The following NCKAP5 variants were observed in gnomAD, a reference collection of about 807,000 sequenced individuals.
NCKAP5 encodes NCK associated protein 5.
In NCKAP5, 92 loss-of-function variants were observed where a neutral mutation model predicts 167.0. The ratio of observed to expected loss-of-function variants is 0.55; its 90% CI spans 0.47 to 0.66. NCKAP5 has a LOEUF of 0.66. Among genes scored for constraint, NCKAP5 ranks in the 30% least tolerant of loss-of-function variants. The pLI is 0.00. For missense variants in NCKAP5, 2,378 were observed against 2,315.0 expected, an observed-to-expected ratio of 1.03 and a Z score of -0.56; for synonymous variants, 891 against 877.4, an observed-to-expected ratio of 1.02 and a Z score of -0.27.
At chr2:133,211,988 G>C (rs550048691) in intron 5 of NCKAP5, among the ~76,000 whole-genome samples, 1 of 152,282 alleles carries the variant, frequency 6.6e-6, no homozygotes, top group African/African-American at 2.4e-5. Context: ...ATTCTTTCAA[G>C]GCCTGTTCTT....
chr2:132,965,876 C>T (rs1019408171), intron 7 of NCKAP5, among the ~76,000 whole-genome samples: 1 of 151,330 alleles, frequency 6.6e-6, no homozygotes, highest in African/African-American at 2.5e-5. Context: ...AGACCACCAT[C>T]ACACATCTTT....
intron 6 of NCKAP5, among the ~76,000 whole-genome samples, chr2:133,032,598 C>T (rs2078914728): frequency 6.6e-6 from 1 of 152,100 alleles, no homozygotes; most frequent in Non-Finnish European, 1.5e-5. Context: ...ATTGTAGAGC[C>T]CCAAGGGCTT....
chr2:133,178,504 C>CAAAAAAAAA lies in NCKAP5; in HGVS notation c.207+35203_207+35211dup, dbSNP rs869253241. On this transcript the variant is annotated intron_variant, in intron 5 of 19. Coordinates refer to ENST00000409261, the MANE Select transcript of NCKAP5 (RefSeq NM_207363.3). ...TGGGTGACACAATGAGACCCTGTCT[C>CAAAAAAAAA]AAAAAAAAAAAAAAAAAAAAAAAAA... Among the ~76,000 whole-genome samples, 6 of 23,952 alleles carry CAAAAAAAAA rather than the reference C, an allele frequency of 2.5e-4. 2 individuals are homozygous for CAAAAAAAAA. Among genetic ancestry groups the CAAAAAAAAA allele is most frequent in the African/African-American group, 1.3e-3 (5 of 3,760 alleles). 15.7% of individuals were successfully genotyped at this position (23,952 alleles called of 152,430 possible).
the NCKAP5 span, among the ~76,000 whole-genome samples, chr2:133,602,548 C>G: frequency 6.6e-6 from 1 of 152,166 alleles, no homozygotes; most frequent in Non-Finnish European, 1.5e-5. Flanking sequence ...GTGTGGAAGA[C>G]AGTTCTCAGA....
At chr2:133,190,526 A>C (rs1255331232) in intron 5 of NCKAP5, among the ~76,000 whole-genome samples, 6 of 152,204 alleles carry the variant, frequency 3.9e-5, no homozygotes, top group Non-Finnish European at 7.3e-5. Flanking sequence ...ACTATACTAC[A>C]AGGCTACAGT....
intron 3 of NCKAP5, among the ~76,000 whole-genome samples, chr2:133,391,639 C>A (rs1045808141): frequency 6.6e-6 from 1 of 152,196 alleles, no homozygotes; most frequent in Non-Finnish European, 1.5e-5. Flanking sequence ...TCCCCGCACT[C>A]ATCCTCTAAA....
chr2:133,453,645 T>C (rs986675756), intron 3 of NCKAP5, among the ~76,000 whole-genome samples: 2 of 152,052 alleles, frequency 1.3e-5, no homozygotes, highest in Admixed American at 1.3e-4. Flanking sequence ...TGTAATTCCA[T>C]TGGAAAACAC....
intron 7 of NCKAP5, among the ~76,000 whole-genome samples, chr2:132,973,536 TA>T (rs2076894080): frequency 6.6e-6 from 1 of 152,212 alleles, no homozygotes; most frequent in South Asian, 2.1e-4. Context: ...ACTTTAAATT[TA>T]TACAACTTTG....
At chr2:133,188,615 T>C (rs945029944) in intron 5 of NCKAP5, among the ~76,000 whole-genome samples, 1 of 152,006 alleles carries the variant, frequency 6.6e-6, no homozygotes, top group Admixed American at 6.6e-5. Context: ...AAACTAGAAC[T>C]CAGGATTAAG....
chr2:133,167,273 C>T (rs189925719), intron 5 of NCKAP5, among the ~76,000 whole-genome samples: 15 of 152,256 alleles, frequency 9.9e-5, no homozygotes, highest in African/African-American at 2.9e-4. Flanking sequence ...TAGTATCACT[C>T]AGGGTGGAAG....
intron 8 of NCKAP5, among the ~76,000 whole-genome samples, chr2:132,900,379 GCATCCCCTT>G: frequency 6.6e-6 from 1 of 152,092 alleles, no homozygotes; most frequent in Non-Finnish European, 1.5e-5. Context: ...TGTACTAGTA[GCATCCCCTT>G]CACCTAGTTT....
chr2:132,783,529 A>G lies in NCKAP5; in HGVS notation c.3282T>C (p.Asp1094=). The G allele has an allele frequency of 1.2e-6, 2 of 1,613,704 alleles. No individual in the cohort carries two copies. Among genetic ancestry groups the G allele is most frequent in the Non-Finnish European group, 1.7e-6 (2 of 1,179,776 alleles). The change falls in exon 14 of 20, where the codon GAT becomes GAC. Residue 1094 remains aspartate, a synonymous_variant. Transcript: ENST00000409261. ...AAGGCTTGGGGGGTGTGGAGGCGCT[A>G]TCATTCAATTGTCCTTTTCTCCCTG... ...VSPGRKGQLN[D]SASTPPKPSF...
intron 2 of NCKAP5, among the ~76,000 whole-genome samples, chr2:133,524,015 C>A (rs144787048): frequency 6.6e-6 from 1 of 152,216 alleles, no homozygotes; most frequent in East Asian, 1.9e-4. Flanking sequence ...GGGTTGGCAA[C>A]CATCAGTTAA....
At chr2:133,268,077 T>C (rs181056562) in intron 4 of NCKAP5, among the ~76,000 whole-genome samples, 11 of 152,354 alleles carry the variant, frequency 7.2e-5, no homozygotes, top group African/African-American at 1.4e-4. Context: ...AGTGGAAAAG[T>C]TGAAGAAAAT....
intron 6 of NCKAP5, among the ~76,000 whole-genome samples, chr2:133,014,454 T>G (rs1281434630): frequency 1.3e-5 from 2 of 152,324 alleles, no homozygotes; most frequent in East Asian, 3.9e-4. Context: ...TTTTAAAACC[T>G]AATCTATATG....
At chr2:133,249,355 C>A (rs2088180988) in intron 4 of NCKAP5, among the ~76,000 whole-genome samples, 1 of 152,050 alleles carries the variant, frequency 6.6e-6, no homozygotes, top group Non-Finnish European at 1.5e-5. Flanking sequence ...AGGCCAGAAA[C>A]CAAGGAATGT....
chr2:132,860,240 C>T (rs1443001899), intron 11 of NCKAP5, among the ~76,000 whole-genome samples: 1 of 152,192 alleles, frequency 6.6e-6, no homozygotes, highest in East Asian at 1.9e-4. Flanking sequence ...ATTTAGTTTA[C>T]TACAGAACAT....
At chr2:133,390,539 A>G (rs1055501045) in intron 3 of NCKAP5, among the ~76,000 whole-genome samples, 2 of 151,840 alleles carry the variant, frequency 1.3e-5, no homozygotes, top group African/African-American at 4.8e-5. Context: ...TCTAATCTTA[A>G]TTTTCCTCTT....
At chr2:133,655,987 T>A in the NCKAP5 span, among the ~76,000 whole-genome samples, 6 of 152,318 alleles carry the variant, frequency 3.9e-5, no homozygotes, top group East Asian at 1.2e-3. Flanking sequence ...ATCCTTCAAT[T>A]GCTAGCTTTC....
Sources: gnomAD v4.1 joint callset for allele counts (sites outside exome capture counted in the v4.1 genomes callset) on GRCh38, gnomAD v4.1.1 for gene constraint, MANE v1.5 for transcripts, NCBI Gene and HGNC (gene_info 2026-07-23, HGNC 2026-07-21) for gene names.